The following EMC1 variants were observed in gnomAD, a reference collection of about 807,000 sequenced individuals.
EMC1 encodes ER membrane protein complex subunit 1.
A neutral mutation model predicts 128.8 loss-of-function variants in EMC1; 103 were observed. That is an observed-to-expected ratio of 0.80 (90% CI 0.68 to 0.94). The LOEUF is 0.94. EMC1 is among the 40% of genes least tolerant of loss of function. EMC1 has a pLI of 0.00. For synonymous variants in EMC1, 442 were observed against 490.4 expected, an observed-to-expected ratio of 0.90 and a Z score of 1.30; for missense variants, 1,083 against 1,250.6, an observed-to-expected ratio of 0.87 and a Z score of 2.02.
At chr1:19,234,252 A>G in intron 13 of EMC1, 1 of 896,986 alleles carries the variant, frequency 1.1e-6, no homozygotes, top group Non-Finnish European at 1.3e-6. Context: ...GAAAATGTGC[A>G]TTGCCTAGCA....
intron 12 of EMC1, among the ~76,000 whole-genome samples, chr1:19,235,991 A>G (rs1291302334): frequency 6.6e-6 from 1 of 152,208 alleles, no homozygotes; most frequent in African/African-American, 2.4e-5. Flanking sequence ...CTCTTGCATA[A>G]AAGGAGAAAT....
At position 19,238,100 on chromosome 1, in the gene EMC1, G is replaced by C; in HGVS notation, c.1129C>G (p.Leu377Val). Residue 377 changes from leucine (L) to valine (V), a missense_variant, in exon 11 of 23, where the codon CTA (leucine) becomes GTA (valine). By Grantham distance (32) the Leu-to-Val change is conservative. Transcript: ENST00000477853. ...CGCCGACCTGTCTCCACGAGGTATA[G>C]GTTAATGGTGTAGGTCTGATTGAAG... is the stretch of plus-strand genomic sequence containing the variant. ...ACFNQTYTIN[L>V]YLVETGRRLL... 1 of 1,614,186 alleles carries C rather than the reference G, an allele frequency of 6.2e-7. No individual in the cohort carries two copies. The highest frequency in any genetic ancestry group is 8.5e-7 in the Non-Finnish European group (1 of 1,180,046).
intron 11 of EMC1, 58 bp from the exon 12 acceptor site, chr1:19,237,296 AC>A: frequency 8.1e-7 from 1 of 1,230,766 alleles, no homozygotes; most frequent in Non-Finnish European, 1.2e-6. Flanking sequence ...CTCTGAGAGC[AC>A]CAGACCCCAG....
rs1268800650 is a variant in EMC1, at chr1:19,251,477, A to G, written c.33T>C (p.Leu11=). Residue 11 remains leucine, a synonymous_variant, in exon 1 of 23, where the codon CTT becomes CTC. Transcript: ENST00000477853. ...CCGCAGGAATCAGCAGCGTAGCCCA[A>G]AGCCAGAAACGAGAAGCCCACTCAG... MAAEWASRFW[L]WATLLIPAAA... The G allele has an allele frequency of 3.7e-6, 6 of 1,614,168 alleles. No individual in the cohort carries two copies. Among genetic ancestry groups the G allele is most frequent in the Non-Finnish European group, 5.1e-6 (6 of 1,180,036 alleles).
rs765834126 is a variant in EMC1, at chr1:19,238,820, C to T, written c.1064G>A (p.Ser355Asn). ...SSSSEDGSMG[S>N]FSEKSSSKDS... ...CTTTGAACTAGACTTCTCCGAAAAG[C>T]TCCCCATTGACCCATCTTCAGAACT... is the stretch of plus-strand genomic sequence containing the variant. Residue 355 changes from serine (S) to asparagine (N), a missense_variant, in exon 10 of 23, where the codon AGC becomes AAC. Physicochemically the swap from Ser to Asn is conservative, Grantham distance 46. Coordinates refer to ENST00000477853, the MANE Select transcript of EMC1 (RefSeq NM_015047.3). 4 of 1,611,930 alleles carry T rather than the reference C, an allele frequency of 2.5e-6. 1 individual carries two copies. The highest frequency in any genetic ancestry group is 3.4e-6 in the Non-Finnish European group (4 of 1,178,064).
chr1:19,221,479 T>C (rs2093430822), intron 20 of EMC1: 1 of 151,148 alleles, frequency 6.6e-6, no homozygotes, highest in South Asian at 2.1e-4. Context: ...CTACCAAAAA[T>C]TTAAAAATGA....
At chr1:19,251,365 T>G in intron 1 of EMC1, 50 bp downstream of exon 1, 5 of 1,498,116 alleles carry the variant, frequency 3.3e-6, no homozygotes, top group Non-Finnish European at 4.7e-6. Flanking sequence ...AGGAGACAGG[T>G]ACTGGGGAAA....
chr1:19,220,850 T>C lies in EMC1; in HGVS notation c.2588-2A>G. On this transcript the variant is annotated splice_acceptor_variant, in intron 20 of 22. Transcript: ENST00000477853. LOFTEE classifies it high-confidence loss of function. ...GAATTGCTCCAGAAGGTAGTCCAAC[T>C]ACACAGGAGGAAGTGAATGTTCACA... The C allele has an allele frequency of 6.2e-7, 1 of 1,609,920 alleles. No homozygotes were observed. The highest frequency in any genetic ancestry group is 1.1e-5 in the South Asian group (1 of 90,804).
At chr1:19,250,733 C>A (rs915820685) in intron 1 of EMC1, among the ~76,000 whole-genome samples, 4 of 152,188 alleles carry the variant, frequency 2.6e-5, no homozygotes, top group African/African-American at 9.7e-5. Flanking sequence ...AGATAACGGA[C>A]TGTTAGTAAA....
intron 1 of EMC1, among the ~76,000 whole-genome samples, chr1:19,249,651 G>A (rs1275620813): frequency 6.6e-6 from 1 of 152,202 alleles, no homozygotes; most frequent in African/African-American, 2.4e-5. Context: ...TAGGCCAGGT[G>A]CAGTGGCTCA....
intron 2 of EMC1, 60 bp from the exon 3 acceptor site, chr1:19,244,075 G>A: frequency 6.6e-7 from 1 of 1,517,100 alleles, no homozygotes; most frequent in Non-Finnish European, 9.1e-7. Context: ...AGAAGACTAA[G>A]AAATAAATGA....
intron 21 of EMC1, 66 bp from the exon 22 acceptor site, chr1:19,219,764 C>G: frequency 6.3e-7 from 1 of 1,592,336 alleles, no homozygotes. Flanking sequence ...GGCTGCCCTT[C>G]CTGAGTCCTG....
At position 19,239,272 on chromosome 1, in the gene EMC1, C is replaced by A. The variant is rs756891752; in HGVS notation, c.985G>T (p.Glu329Ter). The A allele has an allele frequency of 6.2e-7, 1 of 1,614,128 alleles. No individual in the cohort carries two copies. The highest frequency in any genetic ancestry group is 8.5e-7 in the Non-Finnish European group (1 of 1,179,982). Residue 329 changes from glutamate (E) to a stop codon, truncating the protein, a stop_gained, in exon 9 of 23, where the codon GAG becomes TAG. Transcript: ENST00000477853. LOFTEE classifies it high-confidence loss of function. ...TALVSFATTG[E>*]KTVAAVMACR... ...GCCATGACTGCAGCCACCGTCTTCT[C>A]CCCAGTGGTGGCAAAGCTCACTAGG...
chr1:19,243,974 C>CT lies in EMC1; in HGVS notation c.261_262insA (p.Asp88ArgfsTer26). On this transcript the variant is annotated frameshift_variant, in exon 3 of 23. Transcript: ENST00000477853. LOFTEE classifies it high-confidence loss of function. ...CCCTGTCCGTGCAGCAGCATGGCATCCACAGCCCCTTCTGCCGTGCCCTTG... is the reference window on the plus strand; with the variant it reads ...CCCTGTCCGTGCAGCAGCATGGCATCTCACAGCCCCTTCTGCCGTGCCCTTG... 1 of 1,614,144 alleles carries CT rather than the reference C, an allele frequency of 6.2e-7. No homozygotes were observed. The highest frequency in any genetic ancestry group is 8.5e-7 in the Non-Finnish European group (1 of 1,180,038).
chr1:19,249,397 C>T (rs2093646859), intron 1 of EMC1, among the ~76,000 whole-genome samples: 1 of 152,086 alleles, frequency 6.6e-6, no homozygotes, highest in Non-Finnish European at 1.5e-5. Flanking sequence ...TGTTTAGATA[C>T]ACAAATATTT....
Position 19,222,868 on chromosome 1 carries a change from G to C in EMC1, c.2377-34C>G, listed in dbSNP as rs748940799. 8 of 1,519,762 alleles carry C rather than the reference G, an allele frequency of 5.3e-6. No homozygotes were observed. The East Asian group carries it at 1.8e-4, about 35-fold the overall frequency. The allele number at this position is 1,519,762 out of a possible 1,614,324, so 94.1% of individuals were successfully genotyped here. On this transcript the variant is annotated intron_variant, in intron 19 of 22. Transcript: ENST00000477853. ...ATAGGAGGTGGCAGCTCAGGGCTTA[G>C]CAGCTGCTTCAACTGGAAAGGGAAA...
chr1:19,231,088 G>T, intron 16 of EMC1, 125 bp from the exon 17 acceptor site: 1 of 1,388,912 alleles, frequency 7.2e-7, no homozygotes, highest in Non-Finnish European at 9.9e-7. Flanking sequence ...GTTCTGTTAA[G>T]AACCTGAGTT....
intron 1 of EMC1, among the ~76,000 whole-genome samples, chr1:19,248,510 C>T (rs975419663): frequency 3.3e-5 from 5 of 152,204 alleles, no homozygotes; most frequent in Admixed American, 1.3e-4. Context: ...ACCTCCGTCT[C>T]CCAGGTTCAA....
intron 1 of EMC1, among the ~76,000 whole-genome samples, chr1:19,248,935 G>A (rs548683772): frequency 6.6e-6 from 1 of 152,194 alleles, no homozygotes; most frequent in African/African-American, 2.4e-5. Flanking sequence ...GCATATGCCT[G>A]TAATCCCAGT....
Sources: gnomAD v4.1 joint callset for allele counts (sites outside exome capture counted in the v4.1 genomes callset) on GRCh38, gnomAD v4.1.1 for gene constraint, MANE v1.5 for transcripts, NCBI Gene and HGNC (gene_info 2026-07-23, HGNC 2026-07-21) for gene names.